The following ZBBX variants were observed in gnomAD, a reference collection of about 807,000 sequenced individuals.
ZBBX encodes the protein zinc finger B-box domain-containing protein 1.
Under a neutral mutation model 108.5 loss-of-function variants are expected in ZBBX, and 101 were observed. The observed-to-expected ratio is 0.93, with a 90% CI of 0.79 to 1.10. ZBBX has a LOEUF of 1.10. Ranked by LOEUF, ZBBX falls within the 50% of genes least tolerant of loss-of-function variation. The pLI is 0.00. For synonymous variants in ZBBX, 356 were observed against 323.4 expected (o/e 1.10, Z -1.08); for missense variants, 1,009 against 941.4 (o/e 1.07, Z -0.94).
chr3:167,231,908 T>G, the ZBBX span, among the ~76,000 whole-genome samples: 1 of 151,830 alleles, frequency 6.6e-6, no homozygotes, highest in African/African-American at 2.4e-5. Context: ...TTGACCGGTA[T>G]AGAATGAAAT....
At chr3:167,392,144 A>T (rs2108637449) in intron 1 of ZBBX, among the ~76,000 whole-genome samples, 1 of 151,966 alleles carries the variant, frequency 6.6e-6, no homozygotes, top group African/African-American at 2.4e-5. Flanking sequence ...TATAAATGGA[A>T]TCACACAATT....
At chr3:167,212,528 T>G in the ZBBX span, among the ~76,000 whole-genome samples, 2 of 152,226 alleles carry the variant, frequency 1.3e-5, 1 homozygote, top group East Asian at 3.9e-4. Context: ...GGCCAGTCCA[T>G]CTCCCATGGG....
At chr3:167,270,339 T>G (rs1242504686) in intron 20 of ZBBX, among the ~76,000 whole-genome samples, 1 of 152,186 alleles carries the variant, frequency 6.6e-6, no homozygotes, top group Non-Finnish European at 1.5e-5. Flanking sequence ...CTGCCGCTTA[T>G]GGATTGACTC....
chr3:167,328,646 A>C (rs1577012080), intron 10 of ZBBX, among the ~76,000 whole-genome samples: 5 of 151,762 alleles, frequency 3.3e-5, no homozygotes, highest in South Asian at 4.2e-4. Context: ...CCTTTCATTC[A>C]CCCTGTACCA....
At chr3:167,372,810 A>C in intron 4 of ZBBX, 24 bp downstream of exon 4, 1 of 1,240,226 alleles carries the variant, frequency 8.1e-7, no homozygotes, top group Non-Finnish European at 1.2e-6. Context: ...ATTCCTATTA[A>C]GAAATAAATA....
At chr3:167,379,012 C>G (rs535243574) in intron 2 of ZBBX, among the ~76,000 whole-genome samples, 4 of 152,274 alleles carry the variant, frequency 2.6e-5, no homozygotes, top group African/African-American at 9.6e-5. Context: ...TTTGAAACCC[C>G]AGCAATCAAT....
chr3:167,366,479 C>T (rs961538680), intron 5 of ZBBX, among the ~76,000 whole-genome samples: 3 of 151,900 alleles, frequency 2.0e-5, no homozygotes, highest in African/African-American at 7.2e-5. Flanking sequence ...TTTTAAAGCA[C>T]TTGAGCTTTG....
chr3:167,250,927 C>T (rs938003467), intron 20 of ZBBX, among the ~76,000 whole-genome samples: 9 of 152,102 alleles, frequency 5.9e-5, no homozygotes, highest in Non-Finnish European at 1.2e-4. Flanking sequence ...ACCCGAGACC[C>T]GAGTGGAAAA....
At chr3:167,400,916 G>A (rs1748405924) in intron 1 of ZBBX, among the ~76,000 whole-genome samples, 1 of 152,086 alleles carries the variant, frequency 6.6e-6, no homozygotes. Flanking sequence ...ATTTATAAGT[G>A]AGCAGAGGGG....
At chr3:167,274,157 G>C (rs955296268) in intron 20 of ZBBX, among the ~76,000 whole-genome samples, 1 of 152,112 alleles carries the variant, frequency 6.6e-6, no homozygotes, top group African/African-American at 2.4e-5. Flanking sequence ...CATAACAAAG[G>C]CCTTACAGAG....
chr3:167,353,050 TAAC>T (rs1388436905), intron 8 of ZBBX, among the ~76,000 whole-genome samples: 5 of 152,064 alleles, frequency 3.3e-5, no homozygotes, highest in Non-Finnish European at 5.9e-5. Flanking sequence ...ACGTTGCCCC[TAAC>T]AACTAGAAAA....
the ZBBX span, among the ~76,000 whole-genome samples, chr3:167,224,484 T>C: frequency 6.6e-6 from 1 of 151,950 alleles, no homozygotes; most frequent in Admixed American, 6.6e-5. Context: ...AACAGTATGA[T>C]AACTATGTGA....
At chr3:167,365,363 A>G (rs1745168764) in intron 6 of ZBBX, among the ~76,000 whole-genome samples, 1 of 151,786 alleles carries the variant, frequency 6.6e-6, no homozygotes, top group South Asian at 2.1e-4. Flanking sequence ...TAAATATAAT[A>G]TTATATTTTA....
At chr3:167,229,799 G>A in the ZBBX span, among the ~76,000 whole-genome samples, 4 of 151,748 alleles carry the variant, frequency 2.6e-5, no homozygotes, top group Admixed American at 6.6e-5. Context: ...CTGGGTTGAG[G>A]ACAATGCAGA....
At chr3:167,182,344 A>G in the ZBBX span, among the ~76,000 whole-genome samples, 6 of 152,182 alleles carry the variant, frequency 3.9e-5, no homozygotes, top group African/African-American at 1.2e-4. Context: ...TGGGATTAGC[A>G]TTGTCAAAAG....
chr3:167,396,940 A>G (rs1453515276), intron 1 of ZBBX, among the ~76,000 whole-genome samples: 3 of 151,614 alleles, frequency 2.0e-5, no homozygotes, highest in Non-Finnish European at 2.9e-5. Context: ...TATTGCCACA[A>G]TGTCATATCT....
chr3:167,248,673 A>C, intron 20 of ZBBX: 2 of 456,704 alleles, frequency 4.4e-6, no homozygotes, highest in Non-Finnish European at 8.8e-6. Context: ...CAAGGTTTGA[A>C]GGATTCAAAG....
Position 167,298,392 on chromosome 3 carries a change from A to C in ZBBX, c.1792T>G (p.Phe598Val). Residue 598 changes from phenylalanine to valine, a missense_variant, in exon 18 of 22, where the codon TTT (phenylalanine) becomes GTT (valine). Coordinates refer to ENST00000675490, the MANE Select transcript of ZBBX (RefSeq NM_001199201.2). ...TKQYQGLERF[F>V]IFDTNERLNL... ...AGTCTTTCATTTGTATCAAAAATAA[A>C]GAATCTCTCAAGTCCTTGATATTGT... is the stretch of plus-strand genomic sequence containing the variant. The C allele has an allele frequency of 1.3e-6, 2 of 1,598,286 alleles. No homozygotes were observed. Among genetic ancestry groups the C allele is most frequent in the Non-Finnish European group, 1.7e-6 (2 of 1,170,576 alleles).
At chr3:167,247,957 T>C (rs1721879408) in intron 20 of ZBBX, among the ~76,000 whole-genome samples, 1 of 152,190 alleles carries the variant, frequency 6.6e-6, no homozygotes, top group South Asian at 2.1e-4. Flanking sequence ...TTTTCTCTCA[T>C]ATGGTTTGAA....
Sources: gnomAD v4.1 joint callset for allele counts (sites outside exome capture counted in the v4.1 genomes callset) on GRCh38, gnomAD v4.1.1 for gene constraint, MANE v1.5 for transcripts, NCBI Gene and HGNC (gene_info 2026-07-23, HGNC 2026-07-21) for gene names.